PRKCE: variants seen among roughly 807,000 people sequenced by gnomAD.
PRKCE encodes the protein protein kinase C epsilon type.
A neutral mutation model predicts 85.4 loss-of-function variants in PRKCE; 16 were observed. The ratio of observed to expected loss-of-function variants is 0.19; its 90% confidence interval spans 0.13 to 0.28. The LOEUF is 0.28. PRKCE is among the 10% of genes least tolerant of loss of function. The pLI, the probability that PRKCE is intolerant of heterozygous loss-of-function variation, is 1.00. For synonymous variants in PRKCE, 388 were observed against 371.5 expected, an observed-to-expected ratio of 1.04 and a Z score of -0.51; for missense variants, 573 against 975.2, an observed-to-expected ratio of 0.59 and a Z score of 5.49.
intron 2 of PRKCE, among the ~76,000 whole-genome samples, chr2:45,883,923 CT>C (rs1376428475): frequency 6.6e-6 from 1 of 152,254 alleles, no homozygotes; most frequent in East Asian, 1.9e-4. Flanking sequence ...GTTGTCAATG[CT>C]TTGCAGAGCT....
chr2:46,128,008 C>G (rs534551683), intron 11 of PRKCE, among the ~76,000 whole-genome samples: 2 of 152,352 alleles, frequency 1.3e-5, no homozygotes, highest in African/African-American at 4.8e-5. Flanking sequence ...CATGTTCACA[C>G]ACTGAGGTAC....
At chr2:46,021,108 G>A (rs192444000) in intron 10 of PRKCE, among the ~76,000 whole-genome samples, 2 of 152,236 alleles carry the variant, frequency 1.3e-5, no homozygotes, top group East Asian at 3.9e-4. Context: ...TGGGGGGCAG[G>A]GCACAGTGAG....
intron 10 of PRKCE, among the ~76,000 whole-genome samples, chr2:46,076,626 C>A (rs758249186): frequency 4.6e-5 from 7 of 152,086 alleles, no homozygotes; most frequent in Non-Finnish European, 8.8e-5. Context: ...GAAATTTTTA[C>A]TTTCTCAACC....
chr2:45,837,829 C>G (rs1691014706), intron 1 of PRKCE, among the ~76,000 whole-genome samples: 1 of 152,118 alleles, frequency 6.6e-6, no homozygotes, highest in African/African-American at 2.4e-5. Context: ...ATGACGGCAC[C>G]ACTTCACTCC....
At chr2:46,113,145 T>A (rs967556353) in intron 11 of PRKCE, among the ~76,000 whole-genome samples, 6 of 152,176 alleles carry the variant, frequency 3.9e-5, no homozygotes, top group Admixed American at 6.5e-5. Flanking sequence ...CACAGCTGAT[T>A]TAGACACCCC....
At chr2:45,969,792 T>TA (rs1701987724) in intron 2 of PRKCE, among the ~76,000 whole-genome samples, 2 of 152,376 alleles carry the variant, frequency 1.3e-5, no homozygotes, top group Admixed American at 6.5e-5. Context: ...GCGCCGTTCT[T>TA]ACGTTATCTT....
At chr2:46,176,070 A>G (rs533996091) in intron 14 of PRKCE, among the ~76,000 whole-genome samples, 6 of 152,270 alleles carry the variant, frequency 3.9e-5, no homozygotes, top group Non-Finnish European at 8.8e-5. Flanking sequence ...CACAGCCAGG[A>G]TTGAGAACCA....
At chr2:45,818,924 G>A (rs1307375109) in intron 1 of PRKCE, among the ~76,000 whole-genome samples, 6 of 152,164 alleles carry the variant, frequency 3.9e-5, no homozygotes. Flanking sequence ...AGCCCAGTAT[G>A]AAGGCTTTGA....
intron 2 of PRKCE, among the ~76,000 whole-genome samples, chr2:45,949,419 G>GTTTGTTTTTTTTTTTTTTTTT (rs1700466742): frequency 1.6e-5 from 1 of 61,730 alleles, no homozygotes; most frequent in Non-Finnish European, 3.5e-5. Flanking sequence ...TTTTTTTTTT[G>GTTTGTTTTTTTTTTTTTTTTT]ATTGTTGTTT....
chr2:45,905,273 C>G lies in PRKCE; in HGVS notation c.412+62210C>G, dbSNP rs1016624667. 6.6e-6 allele frequency among the ~76,000 whole-genome samples: 1 copy of G among 152,274 alleles called. No individual in the cohort carries two copies. The highest frequency in any genetic ancestry group is 2.4e-5 in the African/African-American group (1 of 41,546). ...GCCCACGCTAACCCAGTTTTGGAAT[C>G]TGGTAGTGGGAAAACAGGGAAGCTC... On this transcript the variant is annotated intron_variant, in intron 2 of 14. Transcript: ENST00000306156. The surrounding 1 kb of genome is among the most constrained non-coding windows in gnomAD (Gnocchi z 4.4).
chr2:45,872,540 AATTAAG>A (rs372503070), intron 2 of PRKCE, among the ~76,000 whole-genome samples: 205 of 152,304 alleles, frequency 1.3e-3, no homozygotes, highest in African/African-American at 4.6e-3. Flanking sequence ...ACCAGAGGTC[AATTAAG>A]AGCCACTGCC....
chr2:45,673,568 C>G (rs181059873), intron 1 of PRKCE, among the ~76,000 whole-genome samples: 2 of 152,090 alleles, frequency 1.3e-5, no homozygotes, highest in Non-Finnish European at 2.9e-5. Context: ...GGGCTGCTGG[C>G]CAAGAGAAAC....
At chr2:45,937,555 A>C (rs545750937) in intron 2 of PRKCE, among the ~76,000 whole-genome samples, 1 of 152,118 alleles carries the variant, frequency 6.6e-6, no homozygotes, top group Non-Finnish European at 1.5e-5. Context: ...CACTAAAAAT[A>C]CAAAAAAAAA....
At chr2:45,658,731 A>G (rs1011068007) in intron 1 of PRKCE, among the ~76,000 whole-genome samples, 1 of 152,212 alleles carries the variant, frequency 6.6e-6, no homozygotes, top group Non-Finnish European at 1.5e-5. Context: ...TTGTGTGTTC[A>G]TAGTTTTAGA....
chr2:46,168,686 G>A (rs1678582335), intron 14 of PRKCE, among the ~76,000 whole-genome samples: 1 of 152,220 alleles, frequency 6.6e-6, no homozygotes, highest in South Asian at 2.1e-4. Context: ...ATAACAGGCA[G>A]TAGGGTAAAA....
At chr2:45,766,906 T>C (rs940343462) in intron 1 of PRKCE, among the ~76,000 whole-genome samples, 2 of 152,142 alleles carry the variant, frequency 1.3e-5, no homozygotes, top group African/African-American at 2.4e-5. Context: ...CCGGGCATGA[T>C]GGCGTGTGCC....
chr2:45,900,860 A>C (rs999716985), intron 2 of PRKCE, among the ~76,000 whole-genome samples: 1 of 152,240 alleles, frequency 6.6e-6, no homozygotes, highest in African/African-American at 2.4e-5. Flanking sequence ...ACAGGATTGA[A>C]CCAGACAGAA....
intron 10 of PRKCE, chr2:46,011,006 T>A (rs1705624210): frequency 1.6e-6 from 2 of 1,286,864 alleles, no homozygotes; most frequent in East Asian, 2.9e-5. Context: ...GCAGCATTTT[T>A]AATTTACCGC....
chr2:45,666,224 G>A (rs1399900926), intron 1 of PRKCE, among the ~76,000 whole-genome samples: 2 of 152,154 alleles, frequency 1.3e-5, no homozygotes, highest in African/African-American at 2.4e-5. Context: ...ACTAATTCAT[G>A]GAGACAGCTA....
Sources: gnomAD v4.1 joint callset for allele counts (sites outside exome capture counted in the v4.1 genomes callset) on GRCh38, gnomAD v4.1.1 for gene constraint, Gnocchi (gnomAD v3.1) non-coding constraint, MANE v1.5 for transcripts, NCBI Gene and HGNC (gene_info 2026-07-23, HGNC 2026-07-21) for gene names.